Variants in ANKMY1 observed in about 807,000 individuals in gnomAD.
ANKMY1 encodes ankyrin repeat and MYND domain-containing protein 1.
ANKMY1 carries 98 observed loss-of-function variants against 102.0 expected under a neutral mutation model. That is an observed-to-expected ratio of 0.96 (90% CI 0.82 to 1.14). The LOEUF is 1.14. ANKMY1 is among the 50% of genes most tolerant of loss of function. The pLI is 0.00. For missense variants in ANKMY1, 1,330 were observed against 1,347.6 expected (o/e 0.99, Z 0.20); for synonymous variants, 582 against 559.9 (o/e 1.04, Z -0.56).
At chr2:240,556,474 G>A (rs1400320932) in intron 2 of ANKMY1, among the ~76,000 whole-genome samples, 2 of 152,232 alleles carry the variant, frequency 1.3e-5, no homozygotes, top group South Asian at 2.1e-4. Context: ...TGCTGTTTGA[G>A]CACAAAGGAG....
At chr2:240,539,545 C>A (rs2088039507) in intron 4 of ANKMY1, among the ~76,000 whole-genome samples, 1 of 152,210 alleles carries the variant, frequency 6.6e-6, no homozygotes, top group South Asian at 2.1e-4. Flanking sequence ...GTCAGTGAGA[C>A]CAAGAACCCA....
chr2:240,560,706 C>T (rs1027974869), upstream of ANKMY1: 10 of 1,526,768 alleles, frequency 6.5e-6, no homozygotes, highest in Middle Eastern at 1.8e-4. Context: ...AGAAGCTGGG[C>T]GCCGCGGGGC....
upstream of ANKMY1, chr2:240,560,854 G>A (rs991108921): frequency 3.6e-6 from 5 of 1,390,266 alleles, no homozygotes; most frequent in African/African-American, 4.6e-5. Context: ...CAGCAGCCCG[G>A]CCCGCGCGCG....
intron 11 of ANKMY1, among the ~76,000 whole-genome samples, chr2:240,511,506 T>A (rs2080173047): frequency 6.6e-6 from 1 of 152,192 alleles, no homozygotes; most frequent in South Asian, 2.1e-4. Context: ...CTCTGGAAGA[T>A]AAGACCAACC....
downstream of ANKMY1, among the ~76,000 whole-genome samples, chr2:240,477,702 G>A (rs1223951838): frequency 1.3e-5 from 2 of 152,092 alleles, no homozygotes; most frequent in African/African-American, 4.8e-5. Context: ...TATCACTCTT[G>A]TCTTTGCTGT....
intron 4 of ANKMY1, among the ~76,000 whole-genome samples, chr2:240,550,831 A>AT (rs34709445): frequency 0.076 from 11,610 of 152,262 alleles, 496 homozygotes; most frequent in Middle Eastern, 0.2. Context: ...AAATAACCAA[A>AT]TTTCCTTGTC....
At chr2:240,482,509 G>A (rs2075533548) in intron 15 of ANKMY1, among the ~76,000 whole-genome samples, 1 of 152,248 alleles carries the variant, frequency 6.6e-6, no homozygotes, top group Non-Finnish European at 1.5e-5. Flanking sequence ...CTTCGCCTGT[G>A]TTGTGTCTTC....
At chr2:240,486,741 T>C (rs895412997) in intron 15 of ANKMY1, among the ~76,000 whole-genome samples, 4 of 152,204 alleles carry the variant, frequency 2.6e-5, no homozygotes, top group African/African-American at 9.6e-5. Context: ...CTCAATCTCC[T>C]GGGCTCAAGC....
At chr2:240,508,224 C>T (rs993138684) in intron 12 of ANKMY1, among the ~76,000 whole-genome samples, 4 of 152,260 alleles carry the variant, frequency 2.6e-5, no homozygotes, top group Non-Finnish European at 4.4e-5. Context: ...GAAGGACAGC[C>T]GTGGCCAGAC....
rs761868563 is a variant in ANKMY1, at chr2:240,520,406, G to A, written c.1960C>T (p.Leu654=). Residue 654 remains leucine (L), a synonymous_variant, in exon 9 of 18, where the codon CTG becomes TTG. Transcript: ENST00000401804. This position sits in a 1 kb window ranked among gnomAD's most constrained non-coding sequence, Gnocchi z 4.8. ...KAGDVDGVRL[L]LEHGARTDIC... is the part of the protein sequence containing the mutation. ...TCGGTCCTCGCCCCGTGCTCCAGCAGCAGCCTCACCCCATCCACGTCCCCG... is the reference window on the plus strand; with the variant it reads ...TCGGTCCTCGCCCCGTGCTCCAGCAACAGCCTCACCCCATCCACGTCCCCG... 1.6e-5 allele frequency: 25 copies of A among 1,601,240 alleles called. No individual in the cohort carries two copies. The highest frequency in any genetic ancestry group is 1.4e-4 in the East Asian group (6 of 44,348).
upstream of ANKMY1, chr2:240,560,880 C>T (rs1367223621): frequency 1.4e-6 from 2 of 1,443,616 alleles, no homozygotes; most frequent in South Asian, 1.3e-5. Context: ...CGTGGCAGAG[C>T]TGCGCGTGCC....
At chr2:240,478,167 T>C (rs2074984781), downstream of ANKMY1, among the ~76,000 whole-genome samples, 1 of 152,180 alleles carries the variant, frequency 6.6e-6, no homozygotes, top group African/African-American at 2.4e-5. Flanking sequence ...TCCGCCATGA[T>C]TGAAGCTGAG....
At chr2:240,532,051 G>A (rs2085525951) in intron 4 of ANKMY1, 2 of 463,160 alleles carry the variant, frequency 4.3e-6, no homozygotes, top group South Asian at 1.6e-5. Context: ...CAGAGAGAGA[G>A]GAGAGAGAAT....
chr2:240,511,825 A>G, intron 11 of ANKMY1, 36 bp downstream of exon 11: 1 of 1,548,720 alleles, frequency 6.5e-7, no homozygotes, highest in Non-Finnish European at 8.6e-7. Context: ...ACCGCTGGGC[A>G]GCCCTGTGCC....
intron 15 of ANKMY1, among the ~76,000 whole-genome samples, chr2:240,497,373 T>A (rs1047134611): frequency 3.9e-5 from 6 of 152,216 alleles, no homozygotes; most frequent in Non-Finnish European, 7.3e-5. Context: ...ATTATTGACA[T>A]CCATGCCCTC....
downstream of ANKMY1, among the ~76,000 whole-genome samples, chr2:240,476,186 C>T (rs2074837476): frequency 6.6e-6 from 1 of 152,150 alleles, no homozygotes; most frequent in Admixed American, 6.5e-5. Context: ...CAGAAATAAA[C>T]TCACACATAT....
At chr2:240,534,116 C>T (rs2086139176) in intron 4 of ANKMY1, among the ~76,000 whole-genome samples, 1 of 152,230 alleles carries the variant, frequency 6.6e-6, no homozygotes, top group Non-Finnish European at 1.5e-5. Context: ...TGTCCACCCA[C>T]TCGTCACTTA....
At chr2:240,544,659 C>A (rs6728289) in intron 4 of ANKMY1, among the ~76,000 whole-genome samples, 6 of 152,136 alleles carry the variant, frequency 3.9e-5, no homozygotes, top group Admixed American at 2.6e-4. Context: ...GCGCACTGTG[C>A]GCAAGCCGAA....
chr2:240,535,763 A>T (rs2086582727), intron 4 of ANKMY1, among the ~76,000 whole-genome samples: 1 of 152,176 alleles, frequency 6.6e-6, no homozygotes, highest in African/African-American at 2.4e-5. Flanking sequence ...TTTTTAAAAA[A>T]TCAGAGTTTA....
Sources: allele counts gnomAD v4.1 joint callset (sites outside exome capture counted in the v4.1 genomes callset), GRCh38; gene constraint gnomAD v4.1.1; non-coding constraint Gnocchi (gnomAD v3.1); transcripts MANE v1.5; gene names NCBI Gene and HGNC (gene_info 2026-07-23, HGNC 2026-07-21).